Variants in ECE1 observed in about 807,000 individuals in gnomAD.
ECE1 encodes the protein endothelin-converting enzyme 1.
ECE1 carries 35 observed loss-of-function variants against 98.6 expected under a neutral mutation model. The observed-to-expected ratio is 0.35, with a 90% CI of 0.27 to 0.47. The LOEUF is 0.47. ECE1 is among the 20% of genes least tolerant of loss of function. The probability of loss-of-function intolerance (pLI) is 1.00; values close to 1 mark genes in which losing one functional copy is unlikely to be tolerated. For missense variants in ECE1, 814 were observed against 1,025.3 expected (o/e 0.79, Z 2.81); for synonymous variants, 394 against 407.1 (o/e 0.97, Z 0.39).
chr1:21,244,213 A>G (rs2098200229), intron 10 of ECE1, among the ~76,000 whole-genome samples: 1 of 152,100 alleles, frequency 6.6e-6, no homozygotes, highest in Non-Finnish European at 1.5e-5. Context: ...GGCCTCTTCC[A>G]GCCACTCTCT....
Position 21,272,863 on chromosome 1 carries a change from G to C in ECE1, c.329C>G (p.Ser110Cys). The change falls in exon 4 of 19, where the codon TCC (serine) becomes TGC (cysteine). Residue 110 changes from serine to cysteine, a missense_variant. Around this residue, in one of 3 missense-constraint regions of ECE1, gnomAD observed 257 missense variants for 278.9 expected, o/e 0.92. Transcript: ENST00000374893. ...TGTGGGGTCCATGGAGCTCAAGATG[G>C]AGCTGGTCACTGAGACACAAGCTTC... Reference protein sequence around the residue: ...LSEACVSVTSSILSSMDPTVD... With the variant: ...LSEACVSVTSCILSSMDPTVD... 6.2e-7 allele frequency: 1 copy of C among 1,614,252 alleles called. No homozygotes were observed. Among genetic ancestry groups the C allele is most frequent in the Non-Finnish European group, 8.5e-7 (1 of 1,180,048 alleles).
intron 14 of ECE1, among the ~76,000 whole-genome samples, chr1:21,231,883 G>A (rs888241191): frequency 6.6e-6 from 1 of 152,202 alleles, no homozygotes; most frequent in Non-Finnish European, 1.5e-5. Flanking sequence ...CAAAGCGTTC[G>A]AATTACAGGC....
intron 2 of ECE1, among the ~76,000 whole-genome samples, chr1:21,288,463 G>A (rs1156687679): frequency 1.3e-5 from 2 of 152,216 alleles, no homozygotes; most frequent in Admixed American, 6.5e-5. Flanking sequence ...AACCCGGGTC[G>A]CTGGCTTCAG....
Position 21,233,371 on chromosome 1 carries a change from G to C in ECE1, c.1670+187C>G. The stretch of plus-strand genomic sequence containing the variant: ...TCAAGCCCATCCCAGCTCCTAGCTG[G>C]GCCATACTTCTTTTGCCCTTGGTTT... On this transcript the variant is annotated intron_variant, in intron 14 of 18. Transcript: ENST00000374893. The surrounding 1 kb of genome is among the most constrained non-coding windows in gnomAD (Gnocchi z 4.0). 1 of 568,934 alleles carries C rather than the reference G, an allele frequency of 1.8e-6. No individual in the cohort carries two copies. The highest frequency in any genetic ancestry group is 3.1e-6 in the Non-Finnish European group (1 of 318,898). 35.2% of individuals were successfully genotyped at this position (568,934 alleles called of 1,614,324 possible).
Position 21,225,298 on chromosome 1 carries a change from G to A in ECE1, c.1992C>T (p.Thr664=). ...VNGEPVNGRH[T]LGENIADNGG... Reference sequence around the variant, plus strand: ...CGTTGTCGGCGATGTTCTCCCCCAGGGTGTGCCGCCCGTTCACCGGCTCCC... The same window carrying A: ...CGTTGTCGGCGATGTTCTCCCCCAGAGTGTGCCGCCCGTTCACCGGCTCCC... The change falls in exon 17 of 19, where the codon ACC becomes ACT. Residue 664 remains threonine, a synonymous_variant. Coordinates refer to ENST00000374893, the MANE Select transcript of ECE1 (RefSeq NM_001397.3). This position sits in a 1 kb window ranked among gnomAD's most constrained non-coding sequence, Gnocchi z 5.3. The A allele has an allele frequency of 6.2e-7, 1 of 1,614,206 alleles. No individual in the cohort carries two copies. The highest frequency in any genetic ancestry group is 2.2e-5 in the East Asian group (1 of 44,888).
At chr1:21,342,661 G>A (rs1221575319) in intron 1 of ECE1, among the ~76,000 whole-genome samples, 2 of 150,518 alleles carry the variant, frequency 1.3e-5, no homozygotes, top group Non-Finnish European at 3.0e-5. Context: ...CTGCAAACGC[G>A]CCGCATTAGG....
intron 1 of ECE1, among the ~76,000 whole-genome samples, chr1:21,332,573 G>C (rs1182964106): frequency 9.6e-6 from 1 of 103,996 alleles, no homozygotes; most frequent in East Asian, 3.3e-4. Flanking sequence ...TTGAACTCTT[G>C]ATCTGTGTTA....
chr1:21,260,535 G>A lies in ECE1; in HGVS notation c.494-143C>T. 1 of 1,128,682 alleles carries A rather than the reference G, an allele frequency of 8.9e-7. No homozygotes were observed. The allele number at this position is 1,128,682 out of a possible 1,614,324, so 69.9% of individuals were successfully genotyped here. ...GCCTGTCGGAGTGGCAGTGAGGAAT[G>A]CCGTCACCGTGAGTATGTGAGGGCC... On this transcript the variant is annotated intron_variant, in intron 4 of 18. Transcript: ENST00000374893. The surrounding 1 kb of genome is among the most constrained non-coding windows in gnomAD (Gnocchi z 4.3).
chr1:21,226,302 C>A (rs2098174154), intron 16 of ECE1, among the ~76,000 whole-genome samples: 1 of 152,160 alleles, frequency 6.6e-6, no homozygotes, highest in Admixed American at 6.5e-5. Context: ...CTTCCACGAG[C>A]AGGGCACCTC....
At position 21,258,076 on chromosome 1, in the gene ECE1, G is replaced by T. The variant is rs1449167046; in HGVS notation, c.763-486C>A. Among the ~76,000 whole-genome samples, 3 of 152,194 alleles carry T rather than the reference G, an allele frequency of 2.0e-5. No homozygotes were observed. The highest frequency in any genetic ancestry group is 2.9e-5 in the Non-Finnish European group (2 of 68,042). ...AAGCAGGAGGGGAGGGTCAAATTCT[G>T]CTTGCTACTATTGGCACCCATGGCC... On this transcript the variant is annotated intron_variant, in intron 6 of 18. Coordinates refer to ENST00000374893, the MANE Select transcript of ECE1 (RefSeq NM_001397.3). The surrounding 1 kb of genome is among the most constrained non-coding windows in gnomAD (Gnocchi z 4.2).
intron 4 of ECE1, among the ~76,000 whole-genome samples, chr1:21,271,832 G>A (rs2098240553): frequency 6.6e-6 from 1 of 152,096 alleles, no homozygotes. Flanking sequence ...TCTGACCAGA[G>A]GGCTTATCGT....
chr1:21,274,399 C>T (rs1025307483), intron 3 of ECE1, among the ~76,000 whole-genome samples: 1 of 152,220 alleles, frequency 6.6e-6, no homozygotes, highest in Non-Finnish European at 1.5e-5. Context: ...GGGTTCAAAT[C>T]CAGCTTTCTA....
At chr1:21,223,754 G>A (rs1456417654) in intron 17 of ECE1, among the ~76,000 whole-genome samples, 5 of 152,032 alleles carry the variant, frequency 3.3e-5, no homozygotes, top group Admixed American at 6.6e-5. Flanking sequence ...ATGAGCCACC[G>A]TGCCCAGCCA....
rs2098183835 is a variant in ECE1 at position 21,233,082 on chromosome 1, T to C, written c.1670+476A>G. 1 of 169,706 alleles carries C rather than the reference T, an allele frequency of 5.9e-6. No individual in the cohort carries two copies. Among genetic ancestry groups the C allele is most frequent in the East Asian group, 1.5e-4 (1 of 6,462 alleles). 10.5% of individuals were successfully genotyped at this position (169,706 alleles called of 1,614,324 possible). The stretch of plus-strand genomic sequence containing the variant: ...ATCCAGAACCTTCCCCAGGCCTCTG[T>C]GGGCTCCCTGTCCTGAGATCCCACC... On this transcript the variant is annotated intron_variant, in intron 14 of 18. Transcript: ENST00000374893. The surrounding 1 kb of genome is among the most constrained non-coding windows in gnomAD (Gnocchi z 4.0).
At chr1:21,325,357 G>A (rs768561986) in intron 1 of ECE1, among the ~76,000 whole-genome samples, 37 of 152,186 alleles carry the variant, frequency 2.4e-4, no homozygotes, top group Non-Finnish European at 4.3e-4. Context: ...CACAATTAAG[G>A]GGCAAGAGGG....
At chr1:21,228,171 C>G in intron 14 of ECE1, 130 bp from the exon 15 acceptor site, 1 of 625,196 alleles carries the variant, frequency 1.6e-6, no homozygotes, top group Non-Finnish European at 2.8e-6. Context: ...ACCCCAGGCC[C>G]AAGTGCACAC....
chr1:21,314,355 T>G (rs1305077952), intron 1 of ECE1, among the ~76,000 whole-genome samples: 1 of 152,182 alleles, frequency 6.6e-6, no homozygotes, highest in Admixed American at 6.5e-5. Flanking sequence ...AATTCCTGGC[T>G]CGGTAGTGAT....
intron 9 of ECE1, 108 bp from the exon 10 acceptor site, chr1:21,245,211 G>A (rs2098201763): frequency 1.1e-6 from 1 of 930,514 alleles, no homozygotes; most frequent in Admixed American, 2.0e-5. Flanking sequence ...TGTGACCCCA[G>A]GCCCCTTCCA....
intron 4 of ECE1, among the ~76,000 whole-genome samples, chr1:21,269,267 CTCA>C (rs1264733432): frequency 6.6e-6 from 1 of 152,222 alleles, no homozygotes; most frequent in African/African-American, 2.4e-5. Context: ...ATTCATGAGT[CTCA>C]TCTGTAAAAT....
Sources: allele counts gnomAD v4.1 joint callset (sites outside exome capture counted in the v4.1 genomes callset), GRCh38; gene constraint gnomAD v4.1.1; regional missense constraint gnomAD v4.1.1; non-coding constraint Gnocchi (gnomAD v3.1); transcripts MANE v1.5; gene names NCBI Gene and HGNC (gene_info 2026-07-23, HGNC 2026-07-21).